ZNF606: variants seen among roughly 807,000 people sequenced by gnomAD.
ZNF606 encodes the protein zinc finger protein 328.
A neutral mutation model predicts 74.9 loss-of-function variants in ZNF606; 37 were observed. The ratio of observed to expected loss-of-function variants is 0.49; its 90% CI spans 0.38 to 0.65. The LOEUF (loss-of-function observed/expected upper bound fraction) is 0.65. ZNF606 is among the 30% of genes least tolerant of loss of function. ZNF606 has a pLI of 0.00. For missense variants in ZNF606, 852 were observed against 952.9 expected (o/e 0.89, Z 1.39); for synonymous variants, 328 against 312.4 (o/e 1.05, Z -0.53).
chr19:57,978,406 A>G lies in ZNF606; in HGVS notation c.2274T>C (p.His758=). ...TGCATATAAAGCGTTTCTCTCCACT[A>G]TGCATTCTCTGATGAATAATAAGGG... ...NSSLIIHQRM[H]SGEKRFICSE... Residue 758 remains histidine, a synonymous_variant, in exon 7 of 7, where the codon CAT becomes CAC. Transcript: ENST00000551380. This position sits in a 1 kb window ranked among gnomAD's most constrained non-coding sequence, Gnocchi z 4.4. 6.2e-7 allele frequency: 1 copy of G among 1,613,974 alleles called. No individual in the cohort carries two copies. Among genetic ancestry groups the G allele is most frequent in the South Asian group, 1.1e-5 (1 of 91,076 alleles).
At position 57,988,282 on chromosome 19, in the gene ZNF606, C is replaced by T; in HGVS notation, c.325G>A (p.Glu109Lys). 6.2e-7 allele frequency: 1 copy of T among 1,614,068 alleles called. No individual in the cohort carries two copies. Among genetic ancestry groups the T allele is most frequent in the Non-Finnish European group, 8.5e-7 (1 of 1,179,996 alleles). ...LSVGNQIAKPEVISLLEQGEE... is the reference protein window; with the variant it reads ...LSVGNQIAKPKVISLLEQGEE... ...CCTTGCTCCAACAGGGAGATGACCTCAGGCTTGGCAATCTGATTTCCTATG... is the reference window on the plus strand; with the variant it reads ...CCTTGCTCCAACAGGGAGATGACCTTAGGCTTGGCAATCTGATTTCCTATG... The change falls in exon 6 of 7, where the codon GAG becomes AAG. Residue 109 changes from glutamate to lysine, a missense_variant. Around this residue, in one of 3 missense-constraint regions of ZNF606, gnomAD observed 545 missense variants for 542.5 expected, o/e 1.00. Coordinates refer to ENST00000551380, the MANE Select transcript of ZNF606 (RefSeq NM_001348022.3).
At chr19:57,980,607 G>A (rs189393968) in intron 6 of ZNF606, among the ~76,000 whole-genome samples, 3 of 152,130 alleles carry the variant, frequency 2.0e-5, no homozygotes, top group South Asian at 2.1e-4. Flanking sequence ...AGGCCGAGGC[G>A]GGCGGATCAT....
At chr19:57,985,181 T>G (rs1600218001) in intron 6 of ZNF606, among the ~76,000 whole-genome samples, 1 of 152,142 alleles carries the variant, frequency 6.6e-6, no homozygotes, top group East Asian at 1.9e-4. Context: ...AAACATGTAT[T>G]CTAGAAAAGT....
Position 58,002,692 on chromosome 19 carries a change from C to G in ZNF606, c.-348G>C. On this transcript the variant is annotated 5_prime_UTR_variant, in exon 1 of 7. Coordinates refer to ENST00000551380, the MANE Select transcript of ZNF606 (RefSeq NM_001348022.3). ...GCGCGGAAAGGGCAGGCGCAGGACC[C>G]ACCCTGACGCCGCCTCTCCCAGCCG... is the stretch of plus-strand genomic sequence containing the variant. The G allele has an allele frequency of 6.6e-6, 3 of 454,428 alleles. No homozygotes were observed. The highest frequency in any genetic ancestry group is 1.3e-5 in the Non-Finnish European group (3 of 226,108). 28.1% of individuals were successfully genotyped at this position (454,428 alleles called of 1,614,324 possible).
At chr19:57,995,718 C>A (rs150483446) in intron 4 of ZNF606, among the ~76,000 whole-genome samples, 1 of 152,202 alleles carries the variant, frequency 6.6e-6, no homozygotes, top group Non-Finnish European at 1.5e-5. Flanking sequence ...ACTTGGGAGG[C>A]TGAAGCACAA....
At chr19:57,999,786 G>C (rs1275600878) in intron 4 of ZNF606, 22 bp downstream of exon 4, 1 of 1,611,238 alleles carries the variant, frequency 6.2e-7, no homozygotes, top group Non-Finnish European at 8.5e-7. Flanking sequence ...CATCCTCTGG[G>C]AACAGGACAG....
At chr19:57,996,685 G>A (rs1270210534) in intron 4 of ZNF606, among the ~76,000 whole-genome samples, 1 of 152,168 alleles carries the variant, frequency 6.6e-6, no homozygotes, top group Non-Finnish European at 1.5e-5. Context: ...AGGTTTCACT[G>A]TTGCCTGATG....
chr19:57,997,847 G>GAGC (rs1054555714), intron 4 of ZNF606: 2 of 152,198 alleles, frequency 1.3e-5, no homozygotes, highest in Non-Finnish European at 2.9e-5. Context: ...TACATTGTAA[G>GAGC]AGCAGCAAAC....
At chr19:57,993,169 A>G (rs2073285775) in intron 4 of ZNF606, among the ~76,000 whole-genome samples, 1 of 152,216 alleles carries the variant, frequency 6.6e-6, no homozygotes, top group Non-Finnish European at 1.5e-5. Flanking sequence ...ACAGCCCTGC[A>G]GACCCATTTT....
At chr19:57,993,506 C>A (rs894313587) in intron 4 of ZNF606, among the ~76,000 whole-genome samples, 1 of 152,154 alleles carries the variant, frequency 6.6e-6, no homozygotes, top group African/African-American at 2.4e-5. Flanking sequence ...CTAGGAGGCA[C>A]CACGGTGAAG....
rs115002026 is a variant in ZNF606, at chr19:57,990,863, C to A, written c.178-2142G>T. On this transcript the variant is annotated intron_variant, in intron 4 of 6. Coordinates refer to ENST00000551380, the MANE Select transcript of ZNF606 (RefSeq NM_001348022.3). ...TGCTTCTGCTCCAATAAATACCATA[C>A]CCTGAAAAGTCAACTCCTGCTCAAG... is the stretch of plus-strand genomic sequence containing the variant. 3.8e-3 allele frequency among the ~76,000 whole-genome samples: 580 copies of A among 152,020 alleles called. 3 individuals carry two copies. The highest frequency in any genetic ancestry group is 0.013 in the African/African-American group (523 of 41,504).
rs916179806 is a variant in ZNF606, at chr19:57,977,495, G to C, written c.*806C>G. The C allele has an allele frequency of 2.0e-5, 3 of 152,052 alleles. No homozygotes were observed. Among genetic ancestry groups the C allele is most frequent in the Non-Finnish European group, 4.4e-5 (3 of 68,002 alleles). The allele number at this position is 152,052 out of a possible 1,614,324, so 9.4% of individuals were successfully genotyped here. A position where few individuals can be genotyped will look rare whatever the true frequency, so the allele number is the denominator to read the frequency against. On this transcript the variant is annotated 3_prime_UTR_variant, in exon 7 of 7. Coordinates refer to ENST00000551380, the MANE Select transcript of ZNF606 (RefSeq NM_001348022.3). ...ACAGTAAGTATGTATATACAATTCT[G>C]TATCCTTTTTATTCCTTCATGTTAT...
chr19:57,988,272 G>C lies in ZNF606; in HGVS notation c.335C>G (p.Ser112Cys), dbSNP rs1177078077. ...GNQIAKPEVI[S>C]LLEQGEEPWS... is the part of the protein sequence containing the mutation. The stretch of plus-strand genomic sequence containing the variant: ...CGGCTCTTCTCCTTGCTCCAACAGG[G>C]AGATGACCTCAGGCTTGGCAATCTG... Residue 112 changes from serine to cysteine, a missense_variant, in exon 6 of 7, where the codon TCC becomes TGC. Around this residue, in one of 3 missense-constraint regions of ZNF606, gnomAD observed 545 missense variants for 542.5 expected, o/e 1.00. Transcript: ENST00000551380. 5 of 1,614,082 alleles carry C rather than the reference G, an allele frequency of 3.1e-6. No homozygotes were observed. The South Asian group carries it at 3.3e-5, about 11-fold the overall frequency.
rs2073031724 is a variant in ZNF606 at position 57,978,911 on chromosome 19, T to A, written c.1769A>T (p.His590Leu). ...ACAGTTATATGGTTTCTCTCCCGTG[T>A]GAGTTCTCTGATGGGCAATAAGATG... ...SSHLIAHQRT[H>L]TGEKPYNCQE... is the part of the protein sequence containing the mutation. The change falls in exon 7 of 7, where the codon CAC (histidine) becomes CTC (leucine). Residue 590 changes from histidine to leucine, a missense_variant. By Grantham distance (99) the His-to-Leu change is moderately conservative. Transcript: ENST00000551380. This position sits in a 1 kb window ranked among gnomAD's most constrained non-coding sequence, Gnocchi z 4.4. 1 of 1,614,172 alleles carries A rather than the reference T, an allele frequency of 6.2e-7. No individual in the cohort carries two copies. The highest frequency in any genetic ancestry group is 1.7e-5 in the Admixed American group (1 of 60,032).
Position 57,988,202 on chromosome 19 carries a change from C to T in ZNF606, c.400+5G>A. ...TTCCTTGTTCAGCCTGGGGTCTGCC[C>T]TCACCTGGACAAGTGCGTTGAGGAC... is the stretch of plus-strand genomic sequence containing the variant. On this transcript the variant is annotated splice_donor_5th_base_variant and intron_variant, in intron 6 of 6. Transcript: ENST00000551380. The T allele has an allele frequency of 6.2e-7, 1 of 1,612,678 alleles. No homozygotes were observed. Among genetic ancestry groups the T allele is most frequent in the Non-Finnish European group, 8.5e-7 (1 of 1,179,272 alleles).
At chr19:58,001,842 T>C (rs371306801) in intron 1 of ZNF606, among the ~76,000 whole-genome samples, 62 of 152,298 alleles carry the variant, frequency 4.1e-4, no homozygotes, top group African/African-American at 1.3e-3. Flanking sequence ...AACCGGTGAA[T>C]TGCACACTTT....
intron 3 of ZNF606, 74 bp downstream of exon 3, chr19:58,000,609 C>A: frequency 4.0e-6 from 6 of 1,509,878 alleles, no homozygotes; most frequent in Non-Finnish European, 4.6e-6. Context: ...CCATTCTATT[C>A]CCCAGCTGTG....
chr19:57,999,897 C>T lies in ZNF606; in HGVS notation c.89-1G>A. On this transcript the variant is annotated splice_acceptor_variant, in intron 3 of 6. Transcript: ENST00000551380. LOFTEE classifies it high-confidence loss of function. ...CAGGCAGGATACTGAGGACACAGAGCTAGGAAACGAGAAAAAAGTCATGGA... is the reference window on the plus strand; with the variant it reads ...CAGGCAGGATACTGAGGACACAGAGTTAGGAAACGAGAAAAAAGTCATGGA... The T allele has an allele frequency of 6.2e-7, 1 of 1,613,246 alleles. No individual in the cohort carries two copies. Among genetic ancestry groups the T allele is most frequent in the Non-Finnish European group, 8.5e-7 (1 of 1,179,764 alleles).
intron 6 of ZNF606, among the ~76,000 whole-genome samples, chr19:57,981,349 A>C (rs1235403026): frequency 6.6e-6 from 1 of 152,152 alleles, no homozygotes; most frequent in African/African-American, 2.4e-5. Flanking sequence ...CCTGAGTATA[A>C]TGACTTTTGA....
Sources: gnomAD v4.1 joint callset for allele counts (sites outside exome capture counted in the v4.1 genomes callset) on GRCh38, gnomAD v4.1.1 for gene constraint, gnomAD v4.1.1 regional missense constraint, Gnocchi (gnomAD v3.1) non-coding constraint, MANE v1.5 for transcripts, NCBI Gene and HGNC (gene_info 2026-07-23, HGNC 2026-07-21) for gene names.